PCDH15: variants seen among roughly 807,000 people sequenced by gnomAD.
PCDH15 encodes the protein protocadherin related 15.
Under a neutral mutation model 178.5 loss-of-function variants are expected in PCDH15, and 129 were observed. That is an observed-to-expected ratio of 0.72 (90% CI 0.63 to 0.84). The LOEUF is 0.84. PCDH15 is among the 40% of genes least tolerant of loss of function. PCDH15 has a pLI of 0.00. For missense variants in PCDH15, 2,230 were observed against 2,099.9 expected, an observed-to-expected ratio of 1.06 and a Z score of -1.21; for synonymous variants, 800 against 732.0, an observed-to-expected ratio of 1.09 and a Z score of -1.50.
chr10:54,611,495 T>G (rs1321954859), intron 2 of PCDH15, among the ~76,000 whole-genome samples: 3 of 151,822 alleles, frequency 2.0e-5, no homozygotes, highest in African/African-American at 7.2e-5. Flanking sequence ...TTTGTTCGGA[T>G]AATTAGATCA....
chr10:55,333,491 CAG>C (rs1045986275), intron 2 of PCDH15, among the ~76,000 whole-genome samples: 2 of 151,802 alleles, frequency 1.3e-5, no homozygotes, highest in African/African-American at 2.4e-5. Context: ...AACAAAATAA[CAG>C]AAATCAGTAA....
intron 2 of PCDH15, among the ~76,000 whole-genome samples, chr10:55,566,325 A>G (rs1282687516): frequency 6.6e-6 from 1 of 151,650 alleles, no homozygotes; most frequent in Non-Finnish European, 1.5e-5. Flanking sequence ...CTAATAAAAA[A>G]ATTCATATAT....
intron 1 of PCDH15, among the ~76,000 whole-genome samples, chr10:54,755,700 CTG>C (rs769775682): frequency 1.0e-4 from 15 of 144,894 alleles, no homozygotes; most frequent in East Asian, 9.6e-4. Flanking sequence ...AAAGATCTAA[CTG>C]TGTATTTTTC....
intron 13 of PCDH15, among the ~76,000 whole-genome samples, chr10:54,159,768 T>C (rs907824704): frequency 1.1e-4 from 16 of 152,174 alleles, no homozygotes; most frequent in African/African-American, 3.6e-4. Context: ...AGAAATAATA[T>C]TGAATTACTC....
At chr10:55,284,434 G>C (rs1842813975) in intron 1 of PCDH15, among the ~76,000 whole-genome samples, 1 of 151,734 alleles carries the variant, frequency 6.6e-6, no homozygotes, top group Admixed American at 6.6e-5. Flanking sequence ...AATAAGTGAG[G>C]GTATGTATCA....
chr10:55,519,862 C>T (rs1841116562), intron 2 of PCDH15, among the ~76,000 whole-genome samples: 1 of 150,806 alleles, frequency 6.6e-6, no homozygotes, highest in African/African-American at 2.4e-5. Flanking sequence ...ATGTATATTA[C>T]CTCTTGAAGA....
At chr10:53,853,796 T>G (rs894588468) in intron 28 of PCDH15, among the ~76,000 whole-genome samples, 1 of 151,962 alleles carries the variant, frequency 6.6e-6, no homozygotes, top group East Asian at 1.9e-4. Context: ...GATAGGAGGT[T>G]GAGAAGTTGG....
chr10:54,448,350 G>A (rs376213413), intron 3 of PCDH15, among the ~76,000 whole-genome samples: 2 of 151,802 alleles, frequency 1.3e-5, no homozygotes, highest in African/African-American at 2.4e-5. Flanking sequence ...AAGTTCTAGA[G>A]AATCCATTAA....
At chr10:54,379,003 A>C (rs1948845261) in intron 3 of PCDH15, 61 bp from the exon 4 acceptor site, 1 of 1,591,066 alleles carries the variant, frequency 6.3e-7, no homozygotes. Flanking sequence ...TTTAGCAAAG[A>C]TCATGCTCTT....
chr10:53,822,515 TGGATG>T, intron 32 of PCDH15: 1 of 1,612,926 alleles, frequency 6.2e-7, no homozygotes, highest in South Asian at 1.1e-5. Flanking sequence ...AGATGTTTGG[TGGATG>T]GGCAAAATTT....
At chr10:54,327,954 T>C (rs566588234) in intron 7 of PCDH15, among the ~76,000 whole-genome samples, 52 of 152,208 alleles carry the variant, frequency 3.4e-4, no homozygotes, top group Non-Finnish European at 5.3e-4. Flanking sequence ...TTGGTTACAA[T>C]TGATGAATCT....
chr10:54,764,246 C>T (rs1948242262), intron 1 of PCDH15, among the ~76,000 whole-genome samples: 1 of 151,862 alleles, frequency 6.6e-6, no homozygotes, highest in Non-Finnish European at 1.5e-5. Flanking sequence ...TTGAGATTTG[C>T]TAATTCAAAG....
At chr10:54,554,785 G>A (rs1281489716) in intron 2 of PCDH15, among the ~76,000 whole-genome samples, 10 of 152,008 alleles carry the variant, frequency 6.6e-5, no homozygotes, top group African/African-American at 1.2e-4. Flanking sequence ...AAAGTACATC[G>A]GAAAATGACT....
rs1305592136 is a variant in PCDH15, at chr10:54,132,863, C to T, written c.1917+12G>A. 1.9e-6 allele frequency: 3 copies of T among 1,567,960 alleles called. No homozygotes were observed. In the Admixed American group the frequency reaches 5.3e-5, roughly 28 times the overall value. On this transcript the variant is annotated intron_variant, in intron 15 of 37. Coordinates refer to ENST00000644397, the MANE Select transcript of PCDH15 (RefSeq NM_001384140.1). Reference sequence around the variant, plus strand: ...TATACACACACACACACACACACACCAAGGAACATACCTGTAGATTTAATA... The same window carrying T: ...TATACACACACACACACACACACACTAAGGAACATACCTGTAGATTTAATA...
chr10:54,163,861 ACTAGAAGATCAAGT>A (rs2045951717), intron 13 of PCDH15, among the ~76,000 whole-genome samples: 1 of 152,178 alleles, frequency 6.6e-6, no homozygotes, highest in South Asian at 2.1e-4. Context: ...AGTTGGCTAT[ACTAGAAGATCAAGT>A]CAGGAGGGAC....
intron 23 of PCDH15, among the ~76,000 whole-genome samples, chr10:53,943,252 G>A (rs1045950429): frequency 3.3e-5 from 5 of 151,972 alleles, no homozygotes; most frequent in Admixed American, 1.3e-4. Context: ...ACTTTTGGAG[G>A]CTGAGCCGGG....
chr10:53,938,520 T>C (rs2085770391), intron 25 of PCDH15, among the ~76,000 whole-genome samples: 1 of 152,170 alleles, frequency 6.6e-6, no homozygotes, highest in South Asian at 2.1e-4. Context: ...TATCCAGAGC[T>C]TCACAGTGGG....
intron 25 of PCDH15, among the ~76,000 whole-genome samples, chr10:53,933,904 T>C (rs1272837349): frequency 1.3e-5 from 2 of 152,218 alleles, no homozygotes; most frequent in African/African-American, 4.8e-5. Context: ...TGGTTTTGAT[T>C]TGCATTTCTC....
At chr10:55,181,472 G>A (rs1839644541) in intron 1 of PCDH15, among the ~76,000 whole-genome samples, 1 of 151,920 alleles carries the variant, frequency 6.6e-6, no homozygotes, top group Admixed American at 6.6e-5. Flanking sequence ...TTGGCACCTT[G>A]ATCCACAATT....
Sources: allele counts gnomAD v4.1 joint callset (sites outside exome capture counted in the v4.1 genomes callset), GRCh38; gene constraint gnomAD v4.1.1; transcripts MANE v1.5; gene names NCBI Gene and HGNC (gene_info 2026-07-23, HGNC 2026-07-21).